The following EXOC6B variants were observed in gnomAD, a reference collection of about 807,000 sequenced individuals.
The protein encoded by EXOC6B is SEC15 homolog B.
In EXOC6B, 54 loss-of-function variants were observed where a neutral mutation model predicts 113.5. The ratio of observed to expected loss-of-function variants is 0.48; its 90% CI spans 0.38 to 0.60. The LOEUF (loss-of-function observed/expected upper bound fraction) is 0.60, where lower values mean the gene tolerates loss of function less well. Ranked by LOEUF, EXOC6B falls within the 20% of genes least tolerant of loss-of-function variation. The probability of loss-of-function intolerance (pLI) is 0.00; values close to 1 mark genes in which losing one functional copy is unlikely to be tolerated. For synonymous variants in EXOC6B, 357 were observed against 339.0 expected, an observed-to-expected ratio of 1.05 and a Z score of -0.58; for missense variants, 797 against 977.5, an observed-to-expected ratio of 0.82 and a Z score of 2.46.
intron 19 of EXOC6B, among the ~76,000 whole-genome samples, chr2:72,371,047 T>A (rs1312548312): frequency 1.3e-5 from 2 of 150,240 alleles, no homozygotes; most frequent in Middle Eastern, 3.4e-3. Flanking sequence ...AAACTCCTCC[T>A]CCAAAAAAAA....
intron 1 of EXOC6B, among the ~76,000 whole-genome samples, chr2:72,769,317 G>A (rs187810575): frequency 2.1e-3 from 318 of 152,198 alleles, no homozygotes; most frequent in Non-Finnish European, 3.7e-3. Flanking sequence ...GTGACTCTAC[G>A]AAATAATAAG....
At chr2:72,247,599 C>G (rs903726557) in intron 20 of EXOC6B, among the ~76,000 whole-genome samples, 1 of 152,188 alleles carries the variant, frequency 6.6e-6, no homozygotes, top group African/African-American at 2.4e-5. Flanking sequence ...CAAAAGTCCT[C>G]CCTTTTAGAT....
At chr2:72,774,511 A>G (rs2104960897) in intron 1 of EXOC6B, among the ~76,000 whole-genome samples, 1 of 152,328 alleles carries the variant, frequency 6.6e-6, no homozygotes, top group Middle Eastern at 3.4e-3. Context: ...GTTACTAAAA[A>G]AACTAAATAT....
rs149869954 is a variant in EXOC6B at position 72,521,465 on chromosome 2, A to G, written c.916-6339T>C. Among the ~76,000 whole-genome samples the G allele has an allele frequency of 5.2e-3, 787 of 152,284 alleles. 4 individuals are homozygous for G. The highest frequency in any genetic ancestry group is 0.018 in the African/African-American group (739 of 41,562). ...CTAGAAGGCATACAGTGGGAAAGGT[A>G]AAAAATATCTTCTGACTTACAATTT... is the stretch of plus-strand genomic sequence containing the variant. On this transcript the variant is annotated intron_variant, in intron 8 of 21. Coordinates refer to ENST00000272427, the MANE Select transcript of EXOC6B (RefSeq NM_015189.3).
intron 6 of EXOC6B, among the ~76,000 whole-genome samples, chr2:72,665,662 CCA>C (rs1675336167): frequency 1.3e-5 from 2 of 152,172 alleles, no homozygotes; most frequent in Non-Finnish European, 2.9e-5. Context: ...GAATTCATTA[CCA>C]CTAGACCAGC....
intron 6 of EXOC6B, among the ~76,000 whole-genome samples, chr2:72,654,644 G>C (rs914918567): frequency 1.3e-5 from 2 of 152,082 alleles, no homozygotes; most frequent in Admixed American, 1.3e-4. Context: ...AGAGAATGAG[G>C]AATCTTTTCT....
At chr2:72,731,613 C>A (rs1034491716) in intron 3 of EXOC6B, among the ~76,000 whole-genome samples, 1 of 152,142 alleles carries the variant, frequency 6.6e-6, no homozygotes, top group Non-Finnish European at 1.5e-5. Flanking sequence ...CACTTTTATT[C>A]CCCTAGCCCC....
chr2:72,283,484 G>T (rs1157760874), intron 20 of EXOC6B, among the ~76,000 whole-genome samples: 1 of 152,158 alleles, frequency 6.6e-6, no homozygotes, highest in Admixed American at 6.5e-5. Context: ...AGGAAAACTT[G>T]AACTGTAGTT....
chr2:72,405,847 T>C (rs1232682768), intron 18 of EXOC6B, among the ~76,000 whole-genome samples: 19 of 152,158 alleles, frequency 1.2e-4, no homozygotes, highest in Admixed American at 1.2e-3. Context: ...AATTCACACA[T>C]AACAATATTA....
At chr2:72,405,874 G>T (rs1693717372) in intron 18 of EXOC6B, among the ~76,000 whole-genome samples, 1 of 152,218 alleles carries the variant, frequency 6.6e-6, no homozygotes, top group East Asian at 1.9e-4. Context: ...AATGTAAATG[G>T]GCTAAATGCT....
intron 18 of EXOC6B, among the ~76,000 whole-genome samples, chr2:72,380,372 G>C (rs1184316274): frequency 6.6e-6 from 1 of 152,178 alleles, no homozygotes; most frequent in Non-Finnish European, 1.5e-5. Context: ...AGGAGCGGTG[G>C]CTCACGCCTG....
intron 8 of EXOC6B, among the ~76,000 whole-genome samples, chr2:72,547,699 G>C (rs1204348442): frequency 1.3e-5 from 2 of 152,098 alleles, no homozygotes; most frequent in Non-Finnish European, 2.9e-5. Context: ...GCAGATCTTT[G>C]TCCAAATTGA....
chr2:72,662,849 C>T (rs749020794), intron 6 of EXOC6B, among the ~76,000 whole-genome samples: 1 of 152,126 alleles, frequency 6.6e-6, no homozygotes, highest in Admixed American at 6.5e-5. Flanking sequence ...AGTGATTCTC[C>T]TGCCTCAGCC....
intron 18 of EXOC6B, among the ~76,000 whole-genome samples, chr2:72,459,881 A>G (rs1418516078): frequency 6.6e-6 from 1 of 152,184 alleles, no homozygotes; most frequent in African/African-American, 2.4e-5. Flanking sequence ...GAACCAAAAA[A>G]GAGCCCACAT....
intron 8 of EXOC6B, among the ~76,000 whole-genome samples, chr2:72,554,170 A>G (rs1026164518): frequency 6.6e-6 from 1 of 152,190 alleles, no homozygotes; most frequent in Non-Finnish European, 1.5e-5. Flanking sequence ...CAGTACAAAC[A>G]ATAGCCAACA....
intron 20 of EXOC6B, among the ~76,000 whole-genome samples, chr2:72,220,646 T>C (rs961966972): frequency 2.0e-5 from 3 of 152,154 alleles, no homozygotes; most frequent in Admixed American, 2.0e-4. Flanking sequence ...TTATATTGCA[T>C]AGGGAAATTC....
intron 6 of EXOC6B, among the ~76,000 whole-genome samples, chr2:72,656,384 T>A (rs530993749): frequency 6.6e-6 from 1 of 152,010 alleles, no homozygotes; most frequent in South Asian, 2.1e-4. Context: ...TAAAGGAGAA[T>A]AACTAATTGT....
At chr2:72,472,674 T>A (rs2105452997) in intron 17 of EXOC6B, among the ~76,000 whole-genome samples, 2 of 152,272 alleles carry the variant, frequency 1.3e-5, no homozygotes, top group Middle Eastern at 6.8e-3. Flanking sequence ...CATCTTTTCA[T>A]ATTTTTCTTT....
At chr2:72,273,687 A>G (rs10209861) in intron 20 of EXOC6B, among the ~76,000 whole-genome samples, 69,005 of 152,074 alleles carry the variant, frequency 0.45, 20,403 homozygotes, top group African/African-American at 0.84. Flanking sequence ...ATATACCAAG[A>G]GAATGGTAGA....
Sources: allele counts gnomAD v4.1 joint callset (sites outside exome capture counted in the v4.1 genomes callset), GRCh38; gene constraint gnomAD v4.1.1; transcripts MANE v1.5; gene names NCBI Gene and HGNC (gene_info 2026-07-23, HGNC 2026-07-21).